The following FREM1 variants were observed in gnomAD, a reference collection of about 807,000 sequenced individuals.
The protein encoded by FREM1 is FRAS1 related extracellular matrix 1.
Under a neutral mutation model 210.1 loss-of-function variants are expected in FREM1, and 220 were observed. That is an observed-to-expected ratio of 1.05 (90% CI 0.94 to 1.17). FREM1 has a LOEUF of 1.17. Ranked by LOEUF, FREM1 falls within the 50% of genes most tolerant of loss-of-function variation. The pLI is 0.00. For synonymous variants in FREM1, 1,189 were observed against 980.2 expected (o/e 1.21, Z -3.98); for missense variants, 3,454 against 2,675.5 (o/e 1.29, Z -6.42).
chr9:14,828,096 G>C (rs745904195), intron 10 of FREM1, among the ~76,000 whole-genome samples: 7 of 152,212 alleles, frequency 4.6e-5, no homozygotes, highest in African/African-American at 1.2e-4. Context: ...AGAGCCATGG[G>C]GTCAGGGCCA....
intron 14 of FREM1, among the ~76,000 whole-genome samples, chr9:14,818,335 G>C (rs1820678237): frequency 6.6e-6 from 1 of 152,188 alleles, no homozygotes; most frequent in South Asian, 2.1e-4. Context: ...CAAAGATCAA[G>C]ATATCGTGGA....
intron 35 of FREM1, among the ~76,000 whole-genome samples, chr9:14,745,844 C>A (rs1210112565): frequency 6.6e-6 from 1 of 152,070 alleles, no homozygotes; most frequent in East Asian, 1.9e-4. Flanking sequence ...GTTCTTTTAC[C>A]CAGTGAGCCT....
intron 10 of FREM1, among the ~76,000 whole-genome samples, chr9:14,841,012 C>T (rs1200526899): frequency 6.6e-6 from 1 of 152,194 alleles, no homozygotes; most frequent in African/African-American, 2.4e-5. Context: ...TTCACAATAA[C>T]TCTAAAGGAA....
At position 14,863,803 on chromosome 9, in the gene FREM1, G is replaced by T; in HGVS notation, c.329+6C>A. The T allele has an allele frequency of 1.3e-6, 2 of 1,583,192 alleles. No individual in the cohort carries two copies. Among genetic ancestry groups the T allele is most frequent in the Non-Finnish European group, 1.7e-6 (2 of 1,152,246 alleles). On this transcript the variant is annotated splice_donor_region_variant and intron_variant, in intron 3 of 36. Transcript: ENST00000380880. The stretch of plus-strand genomic sequence containing the variant: ...AGCAAATGAGCGATGTTCCCGTGCC[G>T]CTTACCTGTAAAGTCTGAGCTTCAC...
intron 8 of FREM1, among the ~76,000 whole-genome samples, chr9:14,844,328 C>T (rs949865788): frequency 3.3e-5 from 5 of 151,738 alleles, no homozygotes; most frequent in African/African-American, 7.3e-5. Context: ...CGGGTTCAAA[C>T]GATTCTCTTG....
chr9:14,804,184 G>T (rs1214145908), intron 19 of FREM1, among the ~76,000 whole-genome samples: 1 of 152,106 alleles, frequency 6.6e-6, no homozygotes, highest in Non-Finnish European at 1.5e-5. Flanking sequence ...AGCAAAATAT[G>T]GTTATCTAAA....
intron 10 of FREM1, among the ~76,000 whole-genome samples, chr9:14,838,051 C>T (rs1824954133): frequency 6.6e-6 from 1 of 152,300 alleles, no homozygotes; most frequent in Non-Finnish European, 1.5e-5. Flanking sequence ...GGGAGCACAG[C>T]TTGTAGGTGG....
chr9:14,881,485 C>G (rs1273928969), intron 1 of FREM1, among the ~76,000 whole-genome samples: 3 of 152,182 alleles, frequency 2.0e-5, no homozygotes, highest in African/African-American at 7.2e-5. Flanking sequence ...TTAGCACTGA[C>G]TTAAGAAAGG....
chr9:14,773,431 T>C (rs947665827), intron 25 of FREM1, among the ~76,000 whole-genome samples: 1 of 152,150 alleles, frequency 6.6e-6, no homozygotes, highest in Non-Finnish European at 1.5e-5. Flanking sequence ...ATCCATATTG[T>C]CTTGGCAGAA....
chr9:14,740,985 TA>T (rs980539936), intron 35 of FREM1, among the ~76,000 whole-genome samples: 3 of 151,888 alleles, frequency 2.0e-5, no homozygotes, highest in East Asian at 1.9e-4. Flanking sequence ...TCTTTAAAAA[TA>T]AAAAAAACAG....
chr9:14,825,547 G>GTGTGTGTATA, intron 10 of FREM1, among the ~76,000 whole-genome samples: 15,330 of 75,610 alleles, frequency 0.2, 2,105 homozygotes, highest in Non-Finnish European at 0.28. Flanking sequence ...GTGTGTGTGT[G>GTGTGTGTATA]TATATATATA....
intron 16 of FREM1, 66 bp from the exon 17 acceptor site, chr9:14,808,200 C>G: frequency 1.0e-6 from 1 of 1,003,062 alleles, no homozygotes; most frequent in Non-Finnish European, 1.4e-6. Context: ...ATGAAATCTA[C>G]TCACACCTCT....
intron 21 of FREM1, among the ~76,000 whole-genome samples, chr9:14,794,825 C>A (rs1006540893): frequency 9.9e-5 from 15 of 151,744 alleles, no homozygotes; most frequent in Admixed American, 9.8e-4. Flanking sequence ...TGGTGAAACC[C>A]CATTTCTACC....
At chr9:14,841,979 A>G (rs1051263672) in intron 9 of FREM1, among the ~76,000 whole-genome samples, 1 of 152,222 alleles carries the variant, frequency 6.6e-6, no homozygotes, top group African/African-American at 2.4e-5. Context: ...TATTCATGAA[A>G]TTATCAATAA....
At position 14,791,976 on chromosome 9, in the gene FREM1, C is replaced by T. The variant is rs1454375920; in HGVS notation, c.3981+767G>A. 1.3e-5 allele frequency among the ~76,000 whole-genome samples: 2 copies of T among 151,920 alleles called. 1 individual carries two copies. The highest frequency in any genetic ancestry group is 1.3e-4 in the Admixed American group (2 of 15,248). Reference sequence around the variant, plus strand: ...CCTCCGCCTGCAGAGTAATGAGTAGCTGGGATTACATGTGTGTGCTGCCAC... The same window carrying T: ...CCTCCGCCTGCAGAGTAATGAGTAGTTGGGATTACATGTGTGTGCTGCCAC... On this transcript the variant is annotated intron_variant, in intron 22 of 36. Transcript: ENST00000380880.
intron 5 of FREM1, among the ~76,000 whole-genome samples, chr9:14,856,351 A>C (rs1240688078): frequency 1.3e-5 from 2 of 152,200 alleles, no homozygotes; most frequent in Non-Finnish European, 2.9e-5. Flanking sequence ...CAAGTGATTT[A>C]CCTGATCAAT....
intron 10 of FREM1, among the ~76,000 whole-genome samples, chr9:14,828,910 T>C (rs1348316808): frequency 6.6e-6 from 1 of 152,210 alleles, no homozygotes; most frequent in Non-Finnish European, 1.5e-5. Flanking sequence ...TAGTCCTGAG[T>C]ATACCACTTA....
At chr9:14,760,621 A>C (rs1475090418) in intron 27 of FREM1, among the ~76,000 whole-genome samples, 1 of 151,938 alleles carries the variant, frequency 6.6e-6, no homozygotes, top group Non-Finnish European at 1.5e-5. Context: ...ATTTTTTTTC[A>C]AAAACAAACA....
chr9:14,754,048 T>C (rs1212442005), intron 29 of FREM1, among the ~76,000 whole-genome samples: 1 of 152,324 alleles, frequency 6.6e-6, no homozygotes, highest in Non-Finnish European at 1.5e-5. Flanking sequence ...TTTCAGAGTC[T>C]CTTGTAGTGT....
Sources: allele counts gnomAD v4.1 joint callset (sites outside exome capture counted in the v4.1 genomes callset), GRCh38; gene constraint gnomAD v4.1.1; transcripts MANE v1.5; gene names NCBI Gene and HGNC (gene_info 2026-07-23, HGNC 2026-07-21).